Variants in NPFFR2 observed in about 807,000 individuals in gnomAD.
The protein encoded by NPFFR2 is neuropeptide FF receptor 2.
NPFFR2 carries 15 observed loss-of-function variants against 13.1 expected under a neutral mutation model. The observed-to-expected ratio is 1.15, with a 90% confidence interval of 0.77 to 1.76. NPFFR2 has a LOEUF of 1.76. Ranked by LOEUF, NPFFR2 falls within the 40% of genes most tolerant of loss-of-function variation. NPFFR2 has a pLI of 0.00. For missense variants in NPFFR2, 572 were observed against 503.5 expected, an observed-to-expected ratio of 1.14 and a Z score of -1.30; for synonymous variants, 190 against 175.7, an observed-to-expected ratio of 1.08 and a Z score of -0.65.
chr4:72,087,525 A>G (rs1014912774), intron 1 of NPFFR2, among the ~76,000 whole-genome samples: 1 of 148,580 alleles, frequency 6.7e-6, no homozygotes, highest in African/African-American at 2.5e-5. Context: ...GTTGCTAAGA[A>G]TCTAAGCATT....
chr4:72,130,273 G>T (rs1560420565), intron 2 of NPFFR2, among the ~76,000 whole-genome samples: 2 of 151,986 alleles, frequency 1.3e-5, no homozygotes, highest in African/African-American at 4.8e-5. Flanking sequence ...ACTATGAACT[G>T]TAAGGTCCAA....
chr4:72,146,044 A>G (rs1722771871), intron 3 of NPFFR2, among the ~76,000 whole-genome samples: 1 of 152,250 alleles, frequency 6.6e-6, no homozygotes, highest in African/African-American at 2.4e-5. Context: ...AGGAAGGCTC[A>G]TAATCAGAAC....
intron 1 of NPFFR2, among the ~76,000 whole-genome samples, chr4:72,096,893 C>A (rs1459535015): frequency 2.0e-5 from 3 of 151,932 alleles, no homozygotes; most frequent in Non-Finnish European, 2.9e-5. Flanking sequence ...GTAAAACCAT[C>A]ATAAATTGAG....
At position 72,083,229 on chromosome 4, in the gene NPFFR2, A is replaced by T. The variant is rs879297913; in HGVS notation, c.-7-45356A>T. Among the ~76,000 whole-genome samples the T allele has an allele frequency of 7.8e-3, 1,183 of 152,168 alleles. 8 individuals carry two copies. Among genetic ancestry groups the T allele is most frequent in the African/African-American group, 0.017 (694 of 41,526 alleles). ...CCCATAAGTGGAATTTCTGAATCATATGGTCATTCTATTTTTCATTTTTTG... is the reference window on the plus strand; with the variant it reads ...CCCATAAGTGGAATTTCTGAATCATTTGGTCATTCTATTTTTCATTTTTTG... On this transcript the variant is annotated intron_variant, in intron 1 of 3. Coordinates refer to ENST00000308744, the MANE Select transcript of NPFFR2 (RefSeq NM_004885.3).
chr4:72,059,218 G>A (rs1373377658), intron 1 of NPFFR2, among the ~76,000 whole-genome samples: 1 of 151,976 alleles, frequency 6.6e-6, no homozygotes, highest in Non-Finnish European at 1.5e-5. Context: ...GATTTAGTAG[G>A]GCAGTGTAAT....
chr4:72,140,799 C>G (rs868260971), intron 3 of NPFFR2, among the ~76,000 whole-genome samples: 3 of 152,250 alleles, frequency 2.0e-5, no homozygotes, highest in Admixed American at 6.5e-5. Context: ...AGAGGATTCC[C>G]TCTTTTTCTA....
intron 1 of NPFFR2, among the ~76,000 whole-genome samples, chr4:72,058,920 A>G (rs1171882554): frequency 6.6e-6 from 1 of 152,112 alleles, no homozygotes; most frequent in Admixed American, 6.6e-5. Flanking sequence ...CAAATACACC[A>G]GTAAATCCGT....
intron 2 of NPFFR2, among the ~76,000 whole-genome samples, chr4:72,135,080 T>C (rs191329647): frequency 6.6e-6 from 1 of 152,126 alleles, no homozygotes. Context: ...TTCAAAGGAA[T>C]TACTCTATTG....
chr4:72,051,893 A>G (rs555563571), intron 1 of NPFFR2, among the ~76,000 whole-genome samples: 116 of 150,290 alleles, frequency 7.7e-4, no homozygotes, highest in Admixed American at 2.5e-3. Flanking sequence ...TAGAAAATCT[A>G]GAAGAAATGG....
At chr4:72,098,478 T>G (rs1300835616) in intron 1 of NPFFR2, among the ~76,000 whole-genome samples, 3 of 152,168 alleles carry the variant, frequency 2.0e-5, no homozygotes, top group African/African-American at 7.2e-5. Flanking sequence ...TTTGTCATTT[T>G]TTTTCTTTTT....
At chr4:72,052,648 A>T (rs551106307) in intron 1 of NPFFR2, among the ~76,000 whole-genome samples, 37 of 152,126 alleles carry the variant, frequency 2.4e-4, no homozygotes, top group Admixed American at 1.1e-3. Context: ...GGCCCTGCAA[A>T]ACTGTCTCTT....
chr4:72,087,059 T>C (rs1720792632), intron 1 of NPFFR2, among the ~76,000 whole-genome samples: 1 of 152,038 alleles, frequency 6.6e-6, no homozygotes, highest in African/African-American at 2.4e-5. Context: ...AGAAGAGTGG[T>C]AGACTCCACC....
rs116462722 is a variant in NPFFR2, at chr4:72,045,882, G to A, written c.-8+13682G>A. 3.4e-3 allele frequency among the ~76,000 whole-genome samples: 510 copies of A among 152,116 alleles called. 4 individuals are homozygous for A. The highest frequency in any genetic ancestry group is 0.011 in the African/African-American group (452 of 41,512). On this transcript the variant is annotated intron_variant, in intron 1 of 3. Coordinates refer to ENST00000308744, the MANE Select transcript of NPFFR2 (RefSeq NM_004885.3). ...TGGAAACTGTGTGTATTGATGGTGC[G>A]GAGTAATGAAGATTTTTACTTGCTT...
chr4:72,122,109 G>T (rs6837282), intron 1 of NPFFR2, among the ~76,000 whole-genome samples: 81,315 of 151,730 alleles, frequency 0.54, 23,481 homozygotes, highest in Middle Eastern at 0.74. Flanking sequence ...CAATCCTAGT[G>T]TCTGATAAAA....
At chr4:72,065,853 C>T (rs1194310455) in intron 1 of NPFFR2, among the ~76,000 whole-genome samples, 2 of 152,082 alleles carry the variant, frequency 1.3e-5, no homozygotes, top group Admixed American at 1.3e-4. Context: ...CCTTGCGATG[C>T]CCTTAGGACT....
At chr4:72,074,909 G>T (rs1285960187) in intron 1 of NPFFR2, among the ~76,000 whole-genome samples, 1 of 142,044 alleles carries the variant, frequency 7.0e-6, no homozygotes, top group African/African-American at 2.6e-5. Flanking sequence ...AACTTTAAAA[G>T]ATTATGAGAT....
intron 1 of NPFFR2, among the ~76,000 whole-genome samples, chr4:72,065,758 A>G (rs1176294889): frequency 6.6e-6 from 1 of 152,150 alleles, no homozygotes; most frequent in Non-Finnish European, 1.5e-5. Context: ...TAATAATTAC[A>G]TTAAGACTAG....
Position 72,147,916 on chromosome 4 carries a change from A to G in NPFFR2, c.*104A>G. 4 of 895,482 alleles carry G rather than the reference A, an allele frequency of 4.5e-6. No homozygotes were observed. Among genetic ancestry groups the G allele is most frequent in the African/African-American group, 1.7e-5 (1 of 58,650 alleles). 55.5% of individuals were successfully genotyped at this position (895,482 alleles called of 1,614,324 possible). ...AATTTTTCAAAGAATGTTCTAAATA[A>G]AACATTTACTGAAAGCCCTCTCTGG... On this transcript the variant is annotated 3_prime_UTR_variant, in exon 4 of 4. Coordinates refer to ENST00000308744, the MANE Select transcript of NPFFR2 (RefSeq NM_004885.3).
chr4:72,129,272 G>A (rs1439541295), intron 2 of NPFFR2, among the ~76,000 whole-genome samples: 2 of 151,368 alleles, frequency 1.3e-5, no homozygotes, highest in Admixed American at 1.3e-4. Context: ...CTCGTAAGGT[G>A]GGACGAGAGA....
Sources: gnomAD v4.1 joint callset for allele counts (sites outside exome capture counted in the v4.1 genomes callset) on GRCh38, gnomAD v4.1.1 for gene constraint, MANE v1.5 for transcripts, NCBI Gene and HGNC (gene_info 2026-07-23, HGNC 2026-07-21) for gene names.